The following ARHGEF6 variants were observed in gnomAD, a reference collection of about 807,000 sequenced individuals.
ARHGEF6 encodes rho guanine nucleotide exchange factor 6.
ARHGEF6 carries 9 observed loss-of-function variants against 70.3 expected under a neutral mutation model. That is an observed-to-expected ratio of 0.13 (90% CI 0.08 to 0.22). The LOEUF is 0.22. ARHGEF6 is among the 10% of genes least tolerant of loss of function. The pLI is 1.00. For missense variants in ARHGEF6, 470 were observed against 563.0 expected (o/e 0.83, Z 1.67); for synonymous variants, 201 against 207.8 (o/e 0.97, Z 0.28).
intron 8 of ARHGEF6, among the ~76,000 whole-genome samples, chrX:136,708,015 TTAATA>T (rs1243779777): frequency 8.9e-6 from 1 of 112,322 alleles, no homozygotes; most frequent in African/African-American, 3.2e-5. Flanking sequence ...GTTTCAACTC[TTAATA>T]TAATAGACAT....
intron 19 of ARHGEF6, 71 bp from the exon 20 acceptor site, chrX:136,672,190 G>A: frequency 1.7e-5 from 14 of 812,010 alleles, no homozygotes; most frequent in Non-Finnish European, 1.9e-5. Context: ...GTGGGTGTTA[G>A]TTCTTTTCCA....
At chrX:136,686,830 T>C (rs1292120607) in intron 11 of ARHGEF6, among the ~76,000 whole-genome samples, 5 of 102,727 alleles carry the variant, frequency 4.9e-5, no homozygotes, top group African/African-American at 1.8e-4. Context: ...GTTAGTTCTG[T>C]TACTGTTTCC....
chrX:136,762,993 G>A (rs1039804350), intron 2 of ARHGEF6, among the ~76,000 whole-genome samples: 3 of 111,904 alleles, frequency 2.7e-5, no homozygotes, highest in Non-Finnish European at 5.6e-5. Context: ...ATATTCTAGC[G>A]ACTAGACCAC....
chrX:136,688,139 T>C, intron 10 of ARHGEF6, 148 bp from the exon 11 acceptor site: 1 of 497,258 alleles, frequency 2.0e-6, no homozygotes, highest in East Asian at 3.6e-5. Context: ...ATTGTGGTCA[T>C]GGTAACATGA....
At position 136,684,591 on chromosome X, in the gene ARHGEF6, C is replaced by T. The variant is rs746292588; in HGVS notation, c.1392+1086G>A. Among the ~76,000 whole-genome samples, 14 of 109,635 alleles carry T rather than the reference C, an allele frequency of 1.3e-4. No homozygotes were observed. The East Asian group carries it at 4.1e-3, about 32-fold the overall frequency. On this transcript the variant is annotated intron_variant, in intron 12 of 21. Transcript: ENST00000250617. Reference sequence around the variant, plus strand: ...CGGGCTTCTCTCTGGATATTTACTTCCTAGGAAGGCACATCTGTTAGGGAC... The same window carrying T: ...CGGGCTTCTCTCTGGATATTTACTTTCTAGGAAGGCACATCTGTTAGGGAC...
chrX:136,727,400 T>C (rs2076876308), intron 6 of ARHGEF6, among the ~76,000 whole-genome samples: 1 of 92,507 alleles, frequency 1.1e-5, no homozygotes, highest in East Asian at 3.5e-4. Flanking sequence ...TTTCTTTCTC[T>C]CTCTCTCTCT....
chrX:136,721,495 A>G (rs762963009), intron 6 of ARHGEF6, among the ~76,000 whole-genome samples: 4 of 111,526 alleles, frequency 3.6e-5, no homozygotes, highest in Non-Finnish European at 7.5e-5. Context: ...TCCAGGGGGC[A>G]GAGGTTGCAG....
At position 136,716,403 on chromosome X, in the gene ARHGEF6, C is replaced by T. The variant is rs1378179275; in HGVS notation, c.733-3033G>A. 3.6e-5 allele frequency among the ~76,000 whole-genome samples: 4 copies of T among 111,656 alleles called. No homozygotes were observed. The Admixed American group carries it at 3.8e-4, about 11-fold the overall frequency. ...ACCTAAGCGGGAGAACTAGGAAGCA[C>T]GGGTGAAGTTCACAGTCCAGGGACA... On this transcript the variant is annotated intron_variant, in intron 6 of 21. Transcript: ENST00000250617.
In ARHGEF6 at chrX:136,667,795, GAAA is replaced by G; in HGVS notation, c.*231_*233del. 2.6e-6 allele frequency: 1 copy of G among 391,684 alleles called. No individual in the cohort carries two copies. Among genetic ancestry groups the G allele is most frequent in the Non-Finnish European group, 4.4e-6 (1 of 226,408 alleles). 32.3% of individuals were successfully genotyped at this position (391,684 alleles called of 1,213,427 possible). A position where few individuals can be genotyped will look rare whatever the true frequency, so the allele number is the denominator to read the frequency against. On this transcript the variant is annotated 3_prime_UTR_variant, in exon 22 of 22. Transcript: ENST00000250617. ...ACCACTTCCTGCTTTTTCACCTGTT[GAAA>G]AAAAAAATGAACAACCAACCAATAA...
At chrX:136,688,719 A>G (rs1334445066) in intron 10 of ARHGEF6, among the ~76,000 whole-genome samples, 3 of 111,924 alleles carry the variant, frequency 2.7e-5, no homozygotes, top group African/African-American at 6.5e-5. Flanking sequence ...ATCTAATTCC[A>G]TTTCCTAAAA....
chrX:136,696,402 C>T (rs1050102886), intron 9 of ARHGEF6, among the ~76,000 whole-genome samples: 7 of 110,932 alleles, frequency 6.3e-5, no homozygotes, highest in African/African-American at 2.3e-4. Context: ...CACTTAAGCC[C>T]AGGAGTTTGA....
At chrX:136,675,608 C>T (rs1047351424) in intron 18 of ARHGEF6, among the ~76,000 whole-genome samples, 5 of 110,123 alleles carry the variant, frequency 4.5e-5, no homozygotes, top group Middle Eastern at 4.2e-3. Flanking sequence ...CTCCGCCTCC[C>T]GGGTTCACGC....
At chrX:136,714,593 T>C (rs1443610426) in intron 6 of ARHGEF6, among the ~76,000 whole-genome samples, 1 of 111,829 alleles carries the variant, frequency 8.9e-6, no homozygotes, top group Non-Finnish European at 1.9e-5. Flanking sequence ...GAGTGAAGTG[T>C]CCTTAACTAG....
At chrX:136,701,819 T>G (rs1261959162) in intron 9 of ARHGEF6, among the ~76,000 whole-genome samples, 11 of 104,205 alleles carry the variant, frequency 1.1e-4, no homozygotes, top group Non-Finnish European at 9.8e-5. Context: ...GCCATTCTCC[T>G]GCCTCAGCCT....
At chrX:136,727,335 TTCTTTCTTTCTTTCTTTC>T (rs2148639921) in intron 6 of ARHGEF6, among the ~76,000 whole-genome samples, 1 of 34,774 alleles carries the variant, frequency 2.9e-5, no homozygotes, top group Non-Finnish European at 5.3e-5. Context: ...TTTTCTTTCT[TTCTTTCTTTCTTTCTTTC>T]TTTCTTTCTT....
intron 11 of ARHGEF6, among the ~76,000 whole-genome samples, chrX:136,687,427 C>A (rs1286111046): frequency 1.8e-5 from 2 of 112,388 alleles, no homozygotes; most frequent in Non-Finnish European, 3.8e-5. Flanking sequence ...ACTGAAGATA[C>A]AAGATCACGT....
intron 9 of ARHGEF6, among the ~76,000 whole-genome samples, chrX:136,696,293 C>T (rs1265545556): frequency 2.7e-5 from 3 of 111,311 alleles, no homozygotes; most frequent in Non-Finnish European, 5.7e-5. Context: ...GGATGCACTA[C>T]TCAGTTAAAA....
At chrX:136,704,711 T>C (rs1014284195) in intron 9 of ARHGEF6, among the ~76,000 whole-genome samples, 13 of 111,475 alleles carry the variant, frequency 1.2e-4, no homozygotes, top group Admixed American at 6.6e-4. Flanking sequence ...AAGAACAGCT[T>C]GGGGAAAACC....
intron 8 of ARHGEF6, 36 bp from the exon 9 acceptor site, chrX:136,707,066 T>C (rs980189922): frequency 8.3e-7 from 1 of 1,204,234 alleles, no homozygotes. Context: ...GAATGTAAAA[T>C]AGGAAACAGG....
Sources: allele counts gnomAD v4.1 joint callset (sites outside exome capture counted in the v4.1 genomes callset), GRCh38; gene constraint gnomAD v4.1.1; transcripts MANE v1.5; gene names NCBI Gene and HGNC (gene_info 2026-07-23, HGNC 2026-07-21).